The following COL5A1 variants were observed in gnomAD, a reference collection of about 807,000 sequenced individuals.
COL5A1 encodes the protein collagen alpha-1(V) chain.
COL5A1 carries 16 observed loss-of-function variants against 263.7 expected under a neutral mutation model. The observed-to-expected ratio is 0.06, with a 90% CI of 0.04 to 0.09. The LOEUF (loss-of-function observed/expected upper bound fraction) is 0.09, where lower values mean the gene tolerates loss of function less well. Among genes scored for constraint, COL5A1 ranks in the 10% least tolerant of loss-of-function variants. COL5A1 has a pLI of 1.00. For synonymous variants in COL5A1, 1,012 were observed against 1,004.5 expected (o/e 1.01, Z -0.14); for missense variants, 2,036 against 2,540.5 (o/e 0.80, Z 4.27).
intron 65 of COL5A1, among the ~76,000 whole-genome samples, chr9:134,836,302 G>A (rs1381516824): frequency 6.6e-6 from 1 of 152,186 alleles, no homozygotes; most frequent in Non-Finnish European, 1.5e-5. Flanking sequence ...GAGAGGAAGC[G>A]AGGGGGTGCC....
chr9:134,817,497 C>T (rs1219656266), intron 53 of COL5A1, among the ~76,000 whole-genome samples: 2 of 152,212 alleles, frequency 1.3e-5, no homozygotes, highest in East Asian at 1.9e-4. Flanking sequence ...CAACTCGCGG[C>T]GTGCACTGCG....
At chr9:134,685,898 G>T (rs1354430132) in intron 1 of COL5A1, among the ~76,000 whole-genome samples, 2 of 105,572 alleles carry the variant, frequency 1.9e-5, no homozygotes, top group African/African-American at 3.8e-5. Flanking sequence ...CACCCATCCA[G>T]CCACCATCCA....
intron 18 of COL5A1, among the ~76,000 whole-genome samples, chr9:134,759,846 A>G (rs1329173716): frequency 9.1e-5 from 4 of 44,110 alleles, no homozygotes; most frequent in East Asian, 1.2e-3. Flanking sequence ...ACTCACGCAC[A>G]CCCCCACACC....
intron 9 of COL5A1, among the ~76,000 whole-genome samples, chr9:134,734,781 G>A (rs1355557980): frequency 6.6e-6 from 1 of 152,082 alleles, no homozygotes; most frequent in Non-Finnish European, 1.5e-5. Flanking sequence ...ATCCATTAGG[G>A]GCATCCAAAT....
intron 44 of COL5A1, 42 bp from the exon 45 acceptor site, chr9:134,811,297 C>G (rs143296639): frequency 6.3e-7 from 1 of 1,597,386 alleles, no homozygotes; most frequent in East Asian, 2.2e-5. Context: ...GCCTTATCCA[C>G]GATCCAAGAA....
rs370103822 is a variant in COL5A1 at position 134,661,673 on chromosome 9, GAGAGTTTTCCC to G, written c.109+19381_109+19391del. On this transcript the variant is annotated intron_variant, in intron 1 of 65. Transcript: ENST00000371817. Reference sequence around the variant, plus strand: ...CCTGCCCAGCCCACTGCATCTTCCTGAGAGTTTTCCCAGATGTCACCCAGCACCTTCTTAGC... The same window carrying G: ...CCTGCCCAGCCCACTGCATCTTCCTGAGATGTCACCCAGCACCTTCTTAGC... Among the ~76,000 whole-genome samples the G allele has an allele frequency of 1.0e-3, 159 of 152,118 alleles. 1 individual carries two copies. Among genetic ancestry groups the G allele is most frequent in the African/African-American group, 3.7e-3 (154 of 41,494 alleles).
rs567123102 is a variant in COL5A1 at position 134,778,001 on chromosome 9, T to C, written c.2386-2101T>C. ...AAGTTGCTCTTCTATTTTGCAAGTA[T>C]GGTGAGGACTCAAAACTGCCCTAAG... On this transcript the variant is annotated intron_variant, in intron 27 of 65. Coordinates refer to ENST00000371817, the MANE Select transcript of COL5A1 (RefSeq NM_000093.5). 7.9e-5 allele frequency among the ~76,000 whole-genome samples: 12 copies of C among 152,320 alleles called. No individual in the cohort carries two copies. In the South Asian group the frequency reaches 1.4e-3, roughly 18 times the overall value.
At chr9:134,774,985 T>G (rs1588534772) in intron 27 of COL5A1, 73 bp downstream of exon 27, 2 of 1,362,528 alleles carry the variant, frequency 1.5e-6, no homozygotes, top group Non-Finnish European at 2.1e-6. Flanking sequence ...GCGTGGCTGG[T>G]TTTAGGGAAT....
At chr9:134,835,461 C>T (rs554724235) in intron 65 of COL5A1, among the ~76,000 whole-genome samples, 5 of 152,190 alleles carry the variant, frequency 3.3e-5, no homozygotes, top group Non-Finnish European at 7.3e-5. Flanking sequence ...AAGCCAGGGG[C>T]GTGGGTCCCT....
rs1471813206 is a variant in COL5A1 at position 134,841,354 on chromosome 9, G to T, written c.5371-803G>T. ...TAAAGAACACTGGGAGTTATATTTG[G>T]GTGGCTTTGGGGAGGGACCAAAGAA... On this transcript the variant is annotated intron_variant, in intron 65 of 65. Transcript: ENST00000371817. The surrounding 1 kb of genome is among the most constrained non-coding windows in gnomAD (Gnocchi z 4.8). 6.6e-6 allele frequency among the ~76,000 whole-genome samples: 1 copy of T among 152,150 alleles called. No individual in the cohort carries two copies. Among genetic ancestry groups the T allele is most frequent in the Non-Finnish European group, 1.5e-5 (1 of 68,024 alleles).
chr9:134,793,387 G>GT (rs200441606), intron 32 of COL5A1, among the ~76,000 whole-genome samples: 1 of 150,086 alleles, frequency 6.7e-6, no homozygotes, highest in African/African-American at 2.5e-5. Context: ...AGGAGGCTGG[G>GT]GGGGGCATTC....
chr9:134,782,563 G>T (rs560737725), intron 28 of COL5A1, 104 bp from the exon 29 acceptor site: 1 of 1,086,376 alleles, frequency 9.2e-7, no homozygotes, highest in Non-Finnish European at 1.4e-6. Context: ...CCCCCCAAGC[G>T]TGGGGGACCT....
intron 53 of COL5A1, among the ~76,000 whole-genome samples, chr9:134,817,390 A>G (rs1838796370): frequency 6.6e-6 from 1 of 152,248 alleles, no homozygotes; most frequent in Non-Finnish European, 1.5e-5. Context: ...AAAAGCCAGA[A>G]CAAATGAGAA....
Position 134,768,348 on chromosome 9 carries a change from G to T in COL5A1, c.2233-62G>T, listed in dbSNP as rs4842162. On this transcript the variant is annotated intron_variant, in intron 24 of 65. Coordinates refer to ENST00000371817, the MANE Select transcript of COL5A1 (RefSeq NM_000093.5). ...ATGTTGAAAAGTAACCTTGGTGGCC[G>T]ACGGAGAGGTCAGGTGAGCCTAGGG... The T allele has an allele frequency of 0.36, 516,958 of 1,419,530 alleles. 98,639 individuals carry two copies. The highest frequency in any genetic ancestry group is 0.7 in the East Asian group (30,618 of 43,902). The allele number at this position is 1,419,530 out of a possible 1,614,324, so 87.9% of individuals were successfully genotyped here.
intron 4 of COL5A1, among the ~76,000 whole-genome samples, chr9:134,715,993 TG>T (rs1834247372): frequency 1.3e-5 from 2 of 151,698 alleles, no homozygotes; most frequent in East Asian, 3.9e-4. Context: ...GTGGTGGTGG[TG>T]GTGGTGGTGG....
intron 11 of COL5A1, among the ~76,000 whole-genome samples, chr9:134,739,635 G>A (rs1024778681): frequency 2.0e-5 from 3 of 152,180 alleles, no homozygotes; most frequent in Admixed American, 6.5e-5. Flanking sequence ...GTTACTGCAC[G>A]GGGAGGCGTT....
chr9:134,820,330 A>G (rs754715696), intron 58 of COL5A1, 107 bp downstream of exon 58: 3 of 870,330 alleles, frequency 3.4e-6, no homozygotes, highest in Admixed American at 2.0e-5. Flanking sequence ...AAGGACGTCC[A>G]CACGTCGGTT....
At chr9:134,724,011 G>A (rs1834558740) in intron 4 of COL5A1, among the ~76,000 whole-genome samples, 1 of 151,854 alleles carries the variant, frequency 6.6e-6, no homozygotes, top group Non-Finnish European at 1.5e-5. Flanking sequence ...GTTGAGCCCC[G>A]AGGTCCTCCC....
intron 65 of COL5A1, among the ~76,000 whole-genome samples, chr9:134,837,689 G>A (rs1679403900): frequency 6.6e-6 from 1 of 151,764 alleles, no homozygotes; most frequent in Non-Finnish European, 1.5e-5. Context: ...TCCCGGTGAT[G>A]AGGGTGTGCT....
Sources: allele counts gnomAD v4.1 joint callset (sites outside exome capture counted in the v4.1 genomes callset), GRCh38; gene constraint gnomAD v4.1.1; non-coding constraint Gnocchi (gnomAD v3.1); transcripts MANE v1.5; gene names NCBI Gene and HGNC (gene_info 2026-07-23, HGNC 2026-07-21).